The following STS variants were observed in gnomAD, a reference collection of about 807,000 sequenced individuals.
STS encodes steryl-sulfatase.
Under a neutral mutation model 26.8 loss-of-function variants are expected in STS, and 7 were observed. The observed-to-expected ratio is 0.26, with a 90% CI of 0.15 to 0.49. The LOEUF (loss-of-function observed/expected upper bound fraction) is 0.49. Among genes scored for constraint, STS ranks in the 20% least tolerant of loss-of-function variants. STS has a pLI of 0.98. For missense variants in STS, 434 were observed against 465.6 expected (o/e 0.93, Z 0.63); for synonymous variants, 199 against 189.4 (o/e 1.05, Z -0.42).
chrX:7,285,546 AG>A (rs1177178107), intron 7 of STS, among the ~76,000 whole-genome samples: 17 of 112,105 alleles, frequency 1.5e-4, no homozygotes, highest in African/African-American at 5.5e-4. Flanking sequence ...CAACATAAAA[AG>A]AAAACTCCTG....
At chrX:7,325,643 T>C in intron 9 of STS, 145 bp downstream of exon 9, 2 of 668,193 alleles carry the variant, frequency 3.0e-6, no homozygotes. Context: ...GGCAGGTCAA[T>C]TAATAGGATA....
intron 2 of STS, among the ~76,000 whole-genome samples, chrX:7,218,118 GA>G (rs1369752454): frequency 1.8e-5 from 2 of 112,017 alleles, no homozygotes; most frequent in East Asian, 5.6e-4. Context: ...AATCTTTGCA[GA>G]ACTGGAACTT....
At chrX:7,180,118 G>C (rs1207660739) in intron 1 of STS, among the ~76,000 whole-genome samples, 3 of 111,487 alleles carry the variant, frequency 2.7e-5, no homozygotes, top group Non-Finnish European at 3.8e-5. Context: ...CTGGACCTGG[G>C]GTGAGGGGGG....
At chrX:7,256,669 C>T (rs1327147736) in intron 3 of STS, among the ~76,000 whole-genome samples, 1 of 111,569 alleles carries the variant, frequency 9.0e-6, no homozygotes, top group East Asian at 2.8e-4. Context: ...CTTACTTTCC[C>T]TCCCTGCAGT....
chrX:7,228,096 T>G (rs183274249), intron 2 of STS, among the ~76,000 whole-genome samples: 2 of 110,310 alleles, frequency 1.8e-5, no homozygotes, highest in Non-Finnish European at 3.8e-5. Flanking sequence ...ATAGACCATG[T>G]TTTTTTTTGT....
intron 2 of STS, among the ~76,000 whole-genome samples, chrX:7,207,125 G>A (rs1158641027): frequency 9.0e-6 from 1 of 111,652 alleles, no homozygotes; most frequent in African/African-American, 3.3e-5. Context: ...GGGAGGAGGG[G>A]GTTCCAGTGA....
In STS at chrX:7,259,434, G is replaced by A; in HGVS notation, c.468G>A (p.Gly156=). 10 of 1,211,152 alleles carry A rather than the reference G, an allele frequency of 8.3e-6. No homozygotes were observed. The highest frequency in any genetic ancestry group is 1.7e-5 in the African/African-American group (1 of 57,682). ...ATCACGGCTTCAATTATTTCTATGG[G>A]ATCTCTTTGACCAATCTGAGAGACT... ...PLHHGFNYFY[G]ISLTNLRDCK... The change falls in exon 6 of 11, where the codon GGG becomes GGA. Residue 156 remains glycine (G), a synonymous_variant. Coordinates refer to ENST00000674429, the MANE Select transcript of STS (RefSeq NM_001320752.2).
At chrX:7,278,322 A>G (rs184534609) in intron 7 of STS, among the ~76,000 whole-genome samples, 1 of 112,356 alleles carries the variant, frequency 8.9e-6, no homozygotes, top group Admixed American at 9.4e-5. Flanking sequence ...ATTATGTAAT[A>G]AAATAAAAGG....
chrX:7,148,010 A>T lies in STS; in HGVS notation c.-207A>T. On this transcript the variant is annotated 5_prime_UTR_variant, in exon 1 of 11. Coordinates refer to ENST00000674429, the MANE Select transcript of STS (RefSeq NM_001320752.2). ...CCGCGCCGACCGTCCCCACGCCCAC[A>T]CAAGACCGCCCTTACTGGAGGCGGC... 1 of 1,080,512 alleles carries T rather than the reference A, an allele frequency of 9.3e-7. No individual in the cohort carries two copies. The highest frequency in any genetic ancestry group is 1.2e-6 in the Non-Finnish European group (1 of 807,164). 89.0% of individuals were successfully genotyped at this position (1,080,512 alleles called of 1,213,427 possible).
intron 2 of STS, among the ~76,000 whole-genome samples, chrX:7,235,081 C>T (rs867526681): frequency 1.9e-4 from 21 of 111,549 alleles, no homozygotes; most frequent in African/African-American, 5.9e-4. Context: ...AAATTTGGTA[C>T]CTTGTAAATA....
At chrX:7,308,320 AT>A (rs1453412755) in intron 8 of STS, among the ~76,000 whole-genome samples, 1 of 112,289 alleles carries the variant, frequency 8.9e-6, no homozygotes, top group African/African-American at 3.2e-5. Flanking sequence ...AGACGTGTAC[AT>A]CAATCACAAT....
chrX:7,240,493 A>ATGTGTG (rs374194610), intron 2 of STS, among the ~76,000 whole-genome samples: 47 of 72,679 alleles, frequency 6.5e-4, no homozygotes, highest in African/African-American at 2.4e-3. Context: ...ACAGATATGT[A>ATGTGTG]TGTGTGTGTG....
chrX:7,277,469 T>A (rs1924597511), intron 7 of STS, among the ~76,000 whole-genome samples: 2 of 111,863 alleles, frequency 1.8e-5, no homozygotes, highest in Non-Finnish European at 3.8e-5. Flanking sequence ...TGTTCTGTTT[T>A]GTTTTAAATC....
At chrX:7,263,159 C>T (rs1375287124) in intron 6 of STS, among the ~76,000 whole-genome samples, 2 of 111,421 alleles carry the variant, frequency 1.8e-5, no homozygotes, top group Admixed American at 9.5e-5. Flanking sequence ...ATCTCCCCCT[C>T]CCGGGTTTCA....
chrX:7,262,519 C>T (rs946392206), intron 6 of STS, among the ~76,000 whole-genome samples: 1 of 111,999 alleles, frequency 8.9e-6, no homozygotes, highest in Non-Finnish European at 1.9e-5. Flanking sequence ...AGTGATTTTC[C>T]TACTGCAAAC....
intron 10 of STS, among the ~76,000 whole-genome samples, chrX:7,340,702 T>C (rs1200131701): frequency 8.9e-6 from 1 of 112,162 alleles, no homozygotes; most frequent in Non-Finnish European, 1.9e-5. Flanking sequence ...GAGAAGTTTA[T>C]ATCTCCATCT....
At chrX:7,162,272 A>ACT (rs1933259256) in intron 1 of STS, among the ~76,000 whole-genome samples, 3 of 111,980 alleles carry the variant, frequency 2.7e-5, no homozygotes, top group Non-Finnish European at 5.6e-5. Flanking sequence ...GGCAATGATG[A>ACT]AGCAGAAGTC....
intron 8 of STS, among the ~76,000 whole-genome samples, chrX:7,320,089 A>G (rs1258361273): frequency 2.1e-5 from 2 of 94,432 alleles, no homozygotes; most frequent in African/African-American, 7.9e-5. Context: ...ATATATAGTT[A>G]TATATATTTT....
intron 7 of STS, among the ~76,000 whole-genome samples, chrX:7,300,148 A>G (rs1283299072): frequency 1.8e-5 from 2 of 111,990 alleles, no homozygotes; most frequent in African/African-American, 6.5e-5. Context: ...GGGACTGCAA[A>G]AGGTCTGGTT....
Sources: gnomAD v4.1 joint callset for allele counts (sites outside exome capture counted in the v4.1 genomes callset) on GRCh38, gnomAD v4.1.1 for gene constraint, MANE v1.5 for transcripts, NCBI Gene and HGNC (gene_info 2026-07-23, HGNC 2026-07-21) for gene names.